The following ACOT13 variants were observed in gnomAD, a reference collection of about 807,000 sequenced individuals.
ACOT13 encodes the protein acyl-coenzyme A thioesterase 13.
In ACOT13, 10 loss-of-function variants were observed where a neutral mutation model predicts 11.8. The ratio of observed to expected loss-of-function variants is 0.85; its 90% CI spans 0.53 to 1.44. ACOT13 has a LOEUF of 1.44. Among genes scored for constraint, ACOT13 ranks in the 40% most tolerant of loss-of-function variants. The pLI, the probability that ACOT13 is intolerant of heterozygous loss-of-function variation, is 0.00. For missense variants in ACOT13, 172 were observed against 174.1 expected (o/e 0.99, Z 0.07); for synonymous variants, 53 against 61.0 (o/e 0.87, Z 0.61).
intron 2 of ACOT13, chr6:24,701,032 A>C (rs1230642334): frequency 6.5e-6 from 1 of 152,780 alleles, no homozygotes; most frequent in African/African-American, 2.4e-5. Flanking sequence ...TAAGGACATC[A>C]TATCAATTCC....
At chr6:24,680,825 G>T (rs1294425087) in intron 1 of ACOT13, among the ~76,000 whole-genome samples, 1 of 152,184 alleles carries the variant, frequency 6.6e-6, no homozygotes, top group Non-Finnish European at 1.5e-5. Flanking sequence ...AGTCAGGATT[G>T]AAATAGTCTT....
At chr6:24,679,751 C>G (rs1296371822) in intron 1 of ACOT13, among the ~76,000 whole-genome samples, 1 of 152,186 alleles carries the variant, frequency 6.6e-6, no homozygotes, top group Non-Finnish European at 1.5e-5. Context: ...CGACACTTCT[C>G]TCATTTGGGG....
chr6:24,693,499 C>T (rs1032379348), intron 1 of ACOT13, among the ~76,000 whole-genome samples: 2 of 152,220 alleles, frequency 1.3e-5, no homozygotes, highest in Admixed American at 6.5e-5. Flanking sequence ...CCAGAATGAT[C>T]TGAGATGCCA....
intron 1 of ACOT13, among the ~76,000 whole-genome samples, chr6:24,668,387 A>C (rs1778300531): frequency 6.6e-6 from 1 of 151,756 alleles, no homozygotes; most frequent in South Asian, 2.1e-4. Flanking sequence ...AAGCCTGGCT[A>C]ATTCTTTATT....
At chr6:24,672,100 T>C (rs1778374749) in intron 1 of ACOT13, among the ~76,000 whole-genome samples, 1 of 152,200 alleles carries the variant, frequency 6.6e-6, no homozygotes, top group South Asian at 2.1e-4. Context: ...TTTGGAAAGT[T>C]TGTCAAATAT....
At chr6:24,701,311 A>T in intron 2 of ACOT13, 148 bp from the exon 3 acceptor site, 1 of 567,382 alleles carries the variant, frequency 1.8e-6, no homozygotes, top group Non-Finnish European at 2.8e-6. Context: ...CCAGCCATTC[A>T]CATTTGATAG....
chr6:24,673,727 AT>A (rs1341328463), intron 1 of ACOT13, among the ~76,000 whole-genome samples: 1 of 152,142 alleles, frequency 6.6e-6, no homozygotes, highest in East Asian at 1.9e-4. Flanking sequence ...CTAACCAATA[AT>A]TTCGTGTATA....
chr6:24,673,312 C>T (rs903705652), intron 1 of ACOT13, among the ~76,000 whole-genome samples: 2 of 151,804 alleles, frequency 1.3e-5, no homozygotes, highest in African/African-American at 4.8e-5. Context: ...AAAAAAATGG[C>T]AAGATGCAAT....
intron 1 of ACOT13, among the ~76,000 whole-genome samples, chr6:24,680,139 A>C (rs1778523757): frequency 6.6e-6 from 1 of 152,206 alleles, no homozygotes. Flanking sequence ...CACTTTTTAC[A>C]TAATTGCGAG....
intron 1 of ACOT13, among the ~76,000 whole-genome samples, chr6:24,678,483 G>A (rs1035409240): frequency 2.6e-5 from 4 of 151,996 alleles, no homozygotes; most frequent in African/African-American, 9.7e-5. Context: ...TGGAGTCCTT[G>A]TTGGGCCTCA....
At position 24,703,174 on chromosome 6, in the gene ACOT13, C is replaced by G. The variant is rs1778924376; in HGVS notation, c.*1559C>G. On this transcript the variant is annotated 3_prime_UTR_variant, in exon 3 of 3. Transcript: ENST00000230048. ...TACAGGTGTGAACCACTGCACCCAG[C>G]TGACTCTTACTTGATTTCTGTCAGG... 1 of 152,250 alleles carries G rather than the reference C, an allele frequency of 6.6e-6. No individual in the cohort carries two copies. Among genetic ancestry groups the G allele is most frequent in the Admixed American group, 6.5e-5 (1 of 15,288 alleles). The allele number at this position is 152,250 out of a possible 1,614,324, so 9.4% of individuals were successfully genotyped here.
chr6:24,678,421 G>A (rs967847523), intron 1 of ACOT13, among the ~76,000 whole-genome samples: 8 of 152,142 alleles, frequency 5.3e-5, no homozygotes, highest in African/African-American at 1.7e-4. Flanking sequence ...TATTGCAGGG[G>A]CTATTGCATG....
chr6:24,680,787 G>A (rs1012075031), intron 1 of ACOT13, among the ~76,000 whole-genome samples: 5 of 152,246 alleles, frequency 3.3e-5, no homozygotes, highest in Non-Finnish European at 5.9e-5. Context: ...ATGCAAATTC[G>A]TTTCAGAGAG....
At chr6:24,687,496 A>G (rs1778650860) in intron 1 of ACOT13, 1 of 1,376,592 alleles carries the variant, frequency 7.3e-7, no homozygotes, top group Admixed American at 3.4e-5. Context: ...ACACATAGAA[A>G]TAAGGAAGTG....
intron 1 of ACOT13, among the ~76,000 whole-genome samples, chr6:24,689,182 T>C (rs1216713585): frequency 6.6e-6 from 1 of 151,880 alleles, no homozygotes; most frequent in Non-Finnish European, 1.5e-5. Flanking sequence ...AACTTTAAAA[T>C]ATATACTCTT....
At chr6:24,697,748 G>A in intron 1 of ACOT13, 135 bp from the exon 2 acceptor site, 1 of 651,686 alleles carries the variant, frequency 1.5e-6, no homozygotes, top group Non-Finnish European at 2.5e-6. Context: ...ATTTCTATCA[G>A]AGATTGGCAA....
At chr6:24,680,214 A>G (rs1303388204) in intron 1 of ACOT13, among the ~76,000 whole-genome samples, 4 of 152,188 alleles carry the variant, frequency 2.6e-5, no homozygotes, top group Non-Finnish European at 4.4e-5. Context: ...TCCTTTCTAC[A>G]GAAGAGGTCA....
At chr6:24,670,081 A>T (rs1331852192) in intron 1 of ACOT13, among the ~76,000 whole-genome samples, 1 of 152,254 alleles carries the variant, frequency 6.6e-6, no homozygotes, top group African/African-American at 2.4e-5. Context: ...GTATCTAACA[A>T]CAAGTGGACT....
chr6:24,693,182 TATACAC>T (rs1431298076), intron 1 of ACOT13, among the ~76,000 whole-genome samples: 23 of 152,362 alleles, frequency 1.5e-4, no homozygotes, highest in African/African-American at 5.3e-4. Flanking sequence ...TATTCACAAA[TATACAC>T]ATACAAAATT....
Sources: allele counts gnomAD v4.1 joint callset (sites outside exome capture counted in the v4.1 genomes callset), GRCh38; gene constraint gnomAD v4.1.1; transcripts MANE v1.5; gene names NCBI Gene and HGNC (gene_info 2026-07-23, HGNC 2026-07-21).